Variants in MAP3K15 observed in about 807,000 individuals in gnomAD.
The protein encoded by MAP3K15 is mitogen-activated protein kinase kinase kinase 15, also known as MAPK/ERK kinase kinase 15.
In MAP3K15, 124 loss-of-function variants were observed where a neutral mutation model predicts 99.5. The ratio of observed to expected loss-of-function variants is 1.25; its 90% CI spans 1.08 to 1.45. The LOEUF (loss-of-function observed/expected upper bound fraction) is 1.45. MAP3K15 is among the 40% of genes most tolerant of loss of function. The probability of loss-of-function intolerance (pLI) is 0.00; values close to 1 mark genes in which losing one functional copy is unlikely to be tolerated. For synonymous variants in MAP3K15, 494 were observed against 439.6 expected (o/e 1.12, Z -1.55); for missense variants, 1,242 against 1,079.7 (o/e 1.15, Z -2.11).
At chrX:19,460,595 T>G (rs1310196693) in intron 4 of MAP3K15, among the ~76,000 whole-genome samples, 3 of 111,034 alleles carry the variant, frequency 2.7e-5, no homozygotes, top group South Asian at 7.6e-4. Flanking sequence ...GTGTCTCTCA[T>G]TAGTAGTCAT....
At chrX:19,387,339 C>T (rs1435719239) in intron 18 of MAP3K15, among the ~76,000 whole-genome samples, 1 of 111,685 alleles carries the variant, frequency 9.0e-6, no homozygotes, top group African/African-American at 3.3e-5. Context: ...ATGGGGGACC[C>T]TATTACAGAA....
chrX:19,360,781 G>C lies in MAP3K15; in HGVS notation c.3910C>G (p.Gln1304Glu). 1.7e-6 allele frequency: 2 copies of C among 1,209,810 alleles called. No homozygotes were observed. Among genetic ancestry groups the C allele is most frequent in the Non-Finnish European group, 2.2e-6 (2 of 894,612 alleles). The change falls in exon 29 of 29, where the codon CAG becomes GAG. Residue 1304 changes from glutamine (Q) to glutamate (E), a missense_variant. Gln to Glu is a conservative substitution (Grantham distance 29). Coordinates refer to ENST00000338883, the MANE Select transcript of MAP3K15 (RefSeq NM_001001671.4). ...TTGTCTTTGGTTTCTGAGGCCTCCT[G>C]AGCCCTTCTGTACTGGGAGACCGCA... ...WSAVSQYRRA[Q>E]EASETKDKA
chrX:19,490,276 C>CT (rs992012576), intron 1 of MAP3K15, among the ~76,000 whole-genome samples: 7 of 110,698 alleles, frequency 6.3e-5, no homozygotes, highest in African/African-American at 2.0e-4. Flanking sequence ...TATTCTTCAG[C>CT]TTGCTATTTT....
chrX:19,374,456 A>G (rs759701477), intron 20 of MAP3K15, 21 bp downstream of exon 20: 1 of 1,200,424 alleles, frequency 8.3e-7, no homozygotes, highest in Non-Finnish European at 1.1e-6. Context: ...GTGCTGCCCC[A>G]GCTGTCCAGG....
chrX:19,378,862 A>G (rs764241707), intron 19 of MAP3K15, among the ~76,000 whole-genome samples: 53 of 111,565 alleles, frequency 4.8e-4, no homozygotes, highest in African/African-American at 1.7e-3. Flanking sequence ...TGTTGGCCCC[A>G]GTACATGGGC....
intron 3 of MAP3K15, among the ~76,000 whole-genome samples, chrX:19,481,741 T>A (rs2064291276): frequency 8.9e-6 from 1 of 111,802 alleles, no homozygotes; most frequent in Non-Finnish European, 1.9e-5. Context: ...CAGTTCATAC[T>A]CACTAGAATG....
At chrX:19,511,407 T>G (rs953068264) in intron 1 of MAP3K15, among the ~76,000 whole-genome samples, 4 of 112,076 alleles carry the variant, frequency 3.6e-5, no homozygotes, top group African/African-American at 1.3e-4. Flanking sequence ...GAGAACGTTT[T>G]TGGAATCTAT....
Position 19,388,161 on chromosome X carries a change from CT to C in MAP3K15, c.2431+3840del, listed in dbSNP as rs200620814. On this transcript the variant is annotated intron_variant, in intron 18 of 28. Transcript: ENST00000338883. The stretch of plus-strand genomic sequence containing the variant: ...AGCGTTGATCAGTATCAGCCTGAAT[CT>C]TTTTTTTTGAGACAGGGTCTTGCTC... Among the ~76,000 whole-genome samples the C allele has an allele frequency of 2.3e-3, 255 of 110,763 alleles. 2 individuals carry two copies. Among genetic ancestry groups the C allele is most frequent in the African/African-American group, 7.9e-3 (241 of 30,427 alleles).
At chrX:19,450,918 A>G (rs2064032460) in intron 6 of MAP3K15, among the ~76,000 whole-genome samples, 1 of 109,296 alleles carries the variant, frequency 9.1e-6, no homozygotes, top group Admixed American at 9.7e-5. Context: ...GCTTTTTGTT[A>G]TAAAAAGTAT....
rs1411496286 is a variant in MAP3K15, at chrX:19,392,061, G to A, written c.2372C>T (p.Ser791Phe). ...AAGACGTTTCGAGGTTCCAAAATCG[G>A]AGATTTTCACCACTCCGCTGTAGGT... is the stretch of plus-strand genomic sequence containing the variant. ...VNTYSGVVKISDFGTSKRLAG... is the reference protein window; with the variant it reads ...VNTYSGVVKIFDFGTSKRLAG... Residue 791 changes from serine (S) to phenylalanine (F), a missense_variant, in exon 18 of 29, where the codon TCC becomes TTC. Ser to Phe is a radical substitution (Grantham distance 155, BLOSUM62 -2). Transcript: ENST00000338883. The A allele has an allele frequency of 8.3e-7, 1 of 1,209,480 alleles. No individual in the cohort carries two copies. Among genetic ancestry groups the A allele is most frequent in the Non-Finnish European group, 1.1e-6 (1 of 894,631 alleles).
At chrX:19,439,856 A>C (rs1750783009) in intron 6 of MAP3K15, among the ~76,000 whole-genome samples, 1 of 111,995 alleles carries the variant, frequency 8.9e-6, no homozygotes, top group African/African-American at 3.2e-5. Context: ...TACTGGGGCA[A>C]TCACTGGGGT....
chrX:19,431,382 T>C (rs1456510861), intron 7 of MAP3K15, 56 bp downstream of exon 7: 1 of 1,099,770 alleles, frequency 9.1e-7, no homozygotes, highest in African/African-American at 1.8e-5. Flanking sequence ...CCTTAGCCTA[T>C]GCGATTCTGT....
chrX:19,372,125 C>G (rs2063379479), intron 22 of MAP3K15, among the ~76,000 whole-genome samples: 1 of 25,309 alleles, frequency 4.0e-5, no homozygotes, highest in Admixed American at 6.0e-4. Context: ...CAGAGTGAGA[C>G]TGTCTAAAAA....
chrX:19,426,313 G>C lies in MAP3K15; in HGVS notation c.1197C>G (p.Ser399=), dbSNP rs1013052451. ...WYRKGFELQS[S]LYSGINLAVL... ...CTGCAAGATTAATTCCCGAATAGAG[G>C]GATGACTGGAGTTCAAACCCTTTGC... Residue 399 remains serine (S), a synonymous_variant, in exon 8 of 29, where the codon TCC becomes TCG. Coordinates refer to ENST00000338883, the MANE Select transcript of MAP3K15 (RefSeq NM_001001671.4). The C allele has an allele frequency of 3.5e-6, 4 of 1,151,805 alleles. No individual in the cohort carries two copies. The East Asian group carries it at 9.3e-5, about 27-fold the overall frequency. The allele number at this position is 1,151,805 out of a possible 1,213,427, so 94.9% of individuals were successfully genotyped here.
chrX:19,397,808 T>A (rs1185129507), intron 15 of MAP3K15, among the ~76,000 whole-genome samples: 1 of 111,403 alleles, frequency 9.0e-6, no homozygotes, highest in Non-Finnish European at 1.9e-5. Flanking sequence ...CCGGGCGCGG[T>A]GGCTCATGCC....
chrX:19,413,677 TG>T (rs377184850), intron 10 of MAP3K15, among the ~76,000 whole-genome samples: 515 of 15,785 alleles, frequency 0.033, 4 homozygotes, highest in Non-Finnish European at 0.039. Flanking sequence ...TGCCATCTCT[TG>T]GGGGGGGGGG....
At chrX:19,500,542 C>A (rs1334307424) in intron 1 of MAP3K15, among the ~76,000 whole-genome samples, 1 of 110,998 alleles carries the variant, frequency 9.0e-6, no homozygotes, top group Non-Finnish European at 1.9e-5. Context: ...CCTGCCAGGA[C>A]TCACCCACTA....
intron 1 of MAP3K15, among the ~76,000 whole-genome samples, chrX:19,511,057 C>T (rs770179468): frequency 8.9e-6 from 1 of 111,831 alleles, no homozygotes; most frequent in African/African-American, 3.2e-5. Context: ...CTGACAAAAA[C>T]AAGCAATGGG....
chrX:19,415,371 C>T, intron 9 of MAP3K15, 114 bp from the exon 10 acceptor site: 3 of 690,989 alleles, frequency 4.3e-6, no homozygotes, highest in Middle Eastern at 7.7e-4. Flanking sequence ...CATATTATGT[C>T]ATGAGTGCTT....
Sources: allele counts gnomAD v4.1 joint callset (sites outside exome capture counted in the v4.1 genomes callset), GRCh38; gene constraint gnomAD v4.1.1; transcripts MANE v1.5; gene names NCBI Gene and HGNC (gene_info 2026-07-23, HGNC 2026-07-21).